Variants in PHLPP1 observed in about 807,000 individuals in gnomAD.
PHLPP1 encodes the protein PH domain and leucine rich repeat protein phosphatase 1.
PHLPP1 carries 42 observed loss-of-function variants against 117.2 expected under a neutral mutation model. The ratio of observed to expected loss-of-function variants is 0.36; its 90% CI spans 0.28 to 0.46. PHLPP1 has a LOEUF of 0.46. Among genes scored for constraint, PHLPP1 ranks in the 20% least tolerant of loss-of-function variants. The pLI, the probability that PHLPP1 is intolerant of heterozygous loss-of-function variation, is 1.00. For synonymous variants in PHLPP1, 1,042 were observed against 970.7 expected (o/e 1.07, Z -1.37); for missense variants, 2,084 against 2,241.9 (o/e 0.93, Z 1.42).
chr18:62,955,899 C>T (rs1910597739), intron 12 of PHLPP1, among the ~76,000 whole-genome samples: 1 of 151,892 alleles, frequency 6.6e-6, no homozygotes, highest in Non-Finnish European at 1.5e-5. Flanking sequence ...TGTGTATATC[C>T]CCATTTGTTG....
In PHLPP1 at chr18:62,872,919, G is replaced by A. The variant is rs148168711; in HGVS notation, c.2066+12318G>A. Among the ~76,000 whole-genome samples, 1,224 of 149,546 alleles carry A rather than the reference G, an allele frequency of 8.2e-3. 11 individuals carry two copies. The highest frequency in any genetic ancestry group is 0.013 in the Non-Finnish European group (863 of 67,410). On this transcript the variant is annotated intron_variant, in intron 4 of 16. Transcript: ENST00000262719. ...GGAGAATCACTTGAATCTGGGAGGC[G>A]GAGGTTGCAGTGAGCCGAGACTGAG...
At chr18:62,949,339 G>T (rs746195970) in intron 12 of PHLPP1, among the ~76,000 whole-genome samples, 1 of 152,210 alleles carries the variant, frequency 6.6e-6, no homozygotes, top group Non-Finnish European at 1.5e-5. Flanking sequence ...TCTCCGTACT[G>T]AGATGTATGC....
intron 1 of PHLPP1, among the ~76,000 whole-genome samples, chr18:62,725,386 A>T (rs1014977108): frequency 3.3e-5 from 5 of 151,794 alleles, no homozygotes; most frequent in East Asian, 1.9e-4. Flanking sequence ...AATAAATAAA[A>T]AAATAAATAT....
Position 62,787,313 on chromosome 18 carries a change from C to T in PHLPP1, c.1577-42722C>T, listed in dbSNP as rs1410951568. On this transcript the variant is annotated intron_variant, in intron 1 of 16. Transcript: ENST00000262719. Reference sequence around the variant, plus strand: ...TCACGAGTAGCTGGGACTACAGGCACGTGCCGCTACTGCCTGGCTAATTTT... The same window carrying T: ...TCACGAGTAGCTGGGACTACAGGCATGTGCCGCTACTGCCTGGCTAATTTT... Among the ~76,000 whole-genome samples, 6 of 152,210 alleles carry T rather than the reference C, an allele frequency of 3.9e-5. 1 individual carries two copies. Among genetic ancestry groups the T allele is most frequent in the Admixed American group, 6.5e-5 (1 of 15,302 alleles).
At chr18:62,747,601 T>C (rs1911717712) in intron 1 of PHLPP1, among the ~76,000 whole-genome samples, 1 of 152,008 alleles carries the variant, frequency 6.6e-6, no homozygotes, top group Non-Finnish European at 1.5e-5. Flanking sequence ...ACTGCAGCCT[T>C]GAACTCCTGG....
chr18:62,803,656 T>A (rs1339587570), intron 1 of PHLPP1, among the ~76,000 whole-genome samples: 1 of 152,224 alleles, frequency 6.6e-6, no homozygotes, highest in Admixed American at 6.5e-5. Context: ...GCCATGAACA[T>A]TCTTGTGCAT....
In PHLPP1 at chr18:62,932,684, G is replaced by A. The variant is rs1237804684; in HGVS notation, c.2961-9034G>A. ...CATACTGAATGGGCAAAAGTTGAAA[G>A]TGTTCCCCCTAACACTGGAACAAGA... On this transcript the variant is annotated intron_variant, in intron 10 of 16. Transcript: ENST00000262719. Among the ~76,000 whole-genome samples, 52 of 152,124 alleles carry A rather than the reference G, an allele frequency of 3.4e-4. 1 individual carries two copies. The highest frequency in any genetic ancestry group is 3.4e-3 in the Admixed American group (52 of 15,272).
chr18:62,767,925 C>T (rs555830553), intron 1 of PHLPP1, among the ~76,000 whole-genome samples: 1 of 152,216 alleles, frequency 6.6e-6, no homozygotes, highest in East Asian at 1.9e-4. Context: ...TGCTAAGATG[C>T]AGTATTTGGC....
intron 10 of PHLPP1, among the ~76,000 whole-genome samples, chr18:62,935,027 G>C (rs925428983): frequency 5.9e-5 from 9 of 152,120 alleles, no homozygotes; most frequent in African/African-American, 2.2e-4. Flanking sequence ...AGATATATTA[G>C]CCAGGTAATT....
At chr18:62,873,862 T>A (rs1187890916) in intron 4 of PHLPP1, among the ~76,000 whole-genome samples, 1 of 152,116 alleles carries the variant, frequency 6.6e-6, no homozygotes, top group Non-Finnish European at 1.5e-5. Flanking sequence ...AGCATTGAAA[T>A]AAATATGAGC....
chr18:62,731,557 A>C (rs1036042712), intron 1 of PHLPP1, among the ~76,000 whole-genome samples: 2 of 152,168 alleles, frequency 1.3e-5, no homozygotes, highest in African/African-American at 4.8e-5. Context: ...TGGGCCAGTT[A>C]GTAACCCTAT....
chr18:62,807,935 A>G (rs1913997128), intron 1 of PHLPP1, among the ~76,000 whole-genome samples: 1 of 152,144 alleles, frequency 6.6e-6, no homozygotes, highest in Non-Finnish European at 1.5e-5. Context: ...TAAACACTGG[A>G]CACTTAGGCT....
intron 14 of PHLPP1, among the ~76,000 whole-genome samples, chr18:62,968,388 T>TA (rs1290851863): frequency 6.6e-6 from 1 of 152,186 alleles, no homozygotes; most frequent in Non-Finnish European, 1.5e-5. Context: ...GGGTTTTTTT[T>TA]AACCTACAAT....
chr18:62,839,036 G>GTTTTTTAACTAAATTGCA (rs1292649751), intron 3 of PHLPP1, 127 bp downstream of exon 3: 1 of 949,080 alleles, frequency 1.1e-6, no homozygotes, highest in Non-Finnish European at 1.5e-6. Context: ...GATACTGCCA[G>GTTTTTTAACTAAATTGCA]TGATTAGCAA....
intron 1 of PHLPP1, among the ~76,000 whole-genome samples, chr18:62,756,641 CTT>C (rs894324202): frequency 6.6e-6 from 1 of 152,104 alleles, no homozygotes; most frequent in Non-Finnish European, 1.5e-5. Context: ...CTACATAACA[CTT>C]TTGGAAACGA....
At chr18:62,743,778 C>T (rs1410677612) in intron 1 of PHLPP1, among the ~76,000 whole-genome samples, 2 of 152,048 alleles carry the variant, frequency 1.3e-5, no homozygotes, top group Non-Finnish European at 2.9e-5. Context: ...TTCCACCCTC[C>T]CCCTCTCCCT....
At chr18:62,816,857 GC>G (rs1914293769) in intron 1 of PHLPP1, among the ~76,000 whole-genome samples, 1 of 151,954 alleles carries the variant, frequency 6.6e-6, no homozygotes, top group Non-Finnish European at 1.5e-5. Flanking sequence ...GCCATATTTT[GC>G]GAAAGTATTT....
chr18:62,783,508 G>A (rs896600269), intron 1 of PHLPP1, among the ~76,000 whole-genome samples: 3 of 151,768 alleles, frequency 2.0e-5, no homozygotes, highest in African/African-American at 4.8e-5. Context: ...GATTACAGGC[G>A]TGAGCCACCA....
At chr18:62,881,282 A>G (rs993769585) in intron 4 of PHLPP1, among the ~76,000 whole-genome samples, 1 of 152,076 alleles carries the variant, frequency 6.6e-6, no homozygotes, top group African/African-American at 2.4e-5. Flanking sequence ...TAATTAAAGA[A>G]TTTTTCTCTT....
Sources: gnomAD v4.1 joint callset for allele counts (sites outside exome capture counted in the v4.1 genomes callset) on GRCh38, gnomAD v4.1.1 for gene constraint, MANE v1.5 for transcripts, NCBI Gene and HGNC (gene_info 2026-07-23, HGNC 2026-07-21) for gene names.